The following MSI2 variants were observed in gnomAD, a reference collection of about 807,000 sequenced individuals.
The protein encoded by MSI2 is RNA-binding protein Musashi homolog 2.
In MSI2, 17 loss-of-function variants were observed where a neutral mutation model predicts 45.6. The ratio of observed to expected loss-of-function variants is 0.37; its 90% CI spans 0.26 to 0.56. MSI2 has a LOEUF of 0.56. Ranked by LOEUF, MSI2 falls within the 20% of genes least tolerant of loss-of-function variation. MSI2 has a pLI of 0.77. For synonymous variants in MSI2, 156 were observed against 158.2 expected, an observed-to-expected ratio of 0.99 and a Z score of 0.11; for missense variants, 293 against 444.2, an observed-to-expected ratio of 0.66 and a Z score of 3.06.
chr17:57,398,642 A>G (rs1391575412), intron 5 of MSI2, among the ~76,000 whole-genome samples: 1 of 152,210 alleles, frequency 6.6e-6, no homozygotes, highest in African/African-American at 2.4e-5. Context: ...TACAGTGACC[A>G]TTTATTTAGC....
At chr17:57,609,693 A>G (rs184893093) in intron 8 of MSI2, among the ~76,000 whole-genome samples, 128 of 152,344 alleles carry the variant, frequency 8.4e-4, no homozygotes, top group African/African-American at 2.8e-3. Context: ...ATCCCCAAAG[A>G]TGCCAGGGCA....
intron 6 of MSI2, among the ~76,000 whole-genome samples, chr17:57,501,149 C>T (rs1376909215): frequency 2.0e-5 from 3 of 152,112 alleles, no homozygotes; most frequent in Admixed American, 6.5e-5. Context: ...CCAAGATCGC[C>T]GTGTGGTTCC....
At chr17:57,489,671 TCCTC>T (rs1819178668) in intron 6 of MSI2, among the ~76,000 whole-genome samples, 1 of 152,090 alleles carries the variant, frequency 6.6e-6, no homozygotes, top group Non-Finnish European at 1.5e-5. Flanking sequence ...CCACCTTAAC[TCCTC>T]CCTGGCACAT....
chr17:57,257,007 C>A, intron 1 of MSI2, 91 bp from the exon 2 acceptor site: 1 of 1,599,972 alleles, frequency 6.3e-7, no homozygotes, highest in Non-Finnish European at 8.5e-7. Context: ...TCGCTCGCTC[C>A]CCCCCGCTTT....
intron 7 of MSI2, among the ~76,000 whole-genome samples, chr17:57,567,335 T>TA (rs1227427202): frequency 1.3e-5 from 2 of 152,258 alleles, no homozygotes; most frequent in African/African-American, 4.8e-5. Flanking sequence ...TTCAATTTCA[T>TA]AAACAATTTT....
At position 57,407,786 on chromosome 17, in the gene MSI2, C is replaced by A. The variant is rs983836583; in HGVS notation, c.405+6315C>A. Among the ~76,000 whole-genome samples, 6 of 152,226 alleles carry A rather than the reference C, an allele frequency of 3.9e-5. No homozygotes were observed. The highest frequency in any genetic ancestry group is 8.8e-5 in the Non-Finnish European group (6 of 68,050). ...AAGGCTACTTTTGTGTTTAAATTTT[C>A]TTCCTCTAATAGCCCAGAACAAAGC... On this transcript the variant is annotated intron_variant, in intron 6 of 13. Coordinates refer to ENST00000284073, the MANE Select transcript of MSI2 (RefSeq NM_138962.4). The surrounding 1 kb of genome is among the most constrained non-coding windows in gnomAD (Gnocchi z 4.1).
chr17:57,347,883 A>T (rs911043956), intron 5 of MSI2, among the ~76,000 whole-genome samples: 1 of 152,112 alleles, frequency 6.6e-6, no homozygotes, highest in Non-Finnish European at 1.5e-5. Context: ...CTGAACCAAC[A>T]CTCAGAGGCT....
intron 5 of MSI2, among the ~76,000 whole-genome samples, chr17:57,325,560 C>T (rs1033020005): frequency 2.0e-5 from 3 of 152,214 alleles, no homozygotes; most frequent in African/African-American, 7.2e-5. Flanking sequence ...GCACCGGTTG[C>T]CCCCTCGGCC....
the MSI2 span, among the ~76,000 whole-genome samples, chr17:57,697,425 C>G: frequency 6.6e-6 from 1 of 152,078 alleles, no homozygotes; most frequent in East Asian, 1.9e-4. Context: ...CTCTCTCCCC[C>G]TCACTCGCAG....
Position 57,660,527 on chromosome 17 carries a change from G to A in MSI2, c.790+8366G>A, listed in dbSNP as rs547750691. Among the ~76,000 whole-genome samples the A allele has an allele frequency of 7.9e-5, 12 of 152,306 alleles. No homozygotes were observed. In the South Asian group the frequency reaches 1.5e-3, roughly 18 times the overall value. ...TGGATAAATACTAAGCAGTCTCCAC[G>A]CCATTGAAGATCTCCCAACCTAGTG... On this transcript the variant is annotated intron_variant, in intron 11 of 13. Transcript: ENST00000284073.
At chr17:57,580,723 A>T (rs1054568673) in intron 7 of MSI2, among the ~76,000 whole-genome samples, 3 of 152,162 alleles carry the variant, frequency 2.0e-5, no homozygotes, top group Non-Finnish European at 4.4e-5. Flanking sequence ...TGGCCTAGGA[A>T]TCTTGTGACC....
At chr17:57,431,135 C>T (rs759400437) in intron 6 of MSI2, among the ~76,000 whole-genome samples, 1 of 152,164 alleles carries the variant, frequency 6.6e-6, no homozygotes, top group Non-Finnish European at 1.5e-5. Context: ...GTGACCCTCC[C>T]GTTTTGAAGA....
At chr17:57,548,515 G>T (rs938620422) in intron 7 of MSI2, among the ~76,000 whole-genome samples, 2 of 152,178 alleles carry the variant, frequency 1.3e-5, no homozygotes, top group African/African-American at 4.8e-5. Flanking sequence ...TTGCTTCCAA[G>T]TGATAATGTT....
rs528231668 is a variant in MSI2, at chr17:57,437,938, C to G, written c.405+36467C>G. On this transcript the variant is annotated intron_variant, in intron 6 of 13. Coordinates refer to ENST00000284073, the MANE Select transcript of MSI2 (RefSeq NM_138962.4). ...GTGTGACTGACCAACATTAGAGACGCACGCAGAAAGCCGTGCACATGCACC... is the reference window on the plus strand; with the variant it reads ...GTGTGACTGACCAACATTAGAGACGGACGCAGAAAGCCGTGCACATGCACC... 2.0e-5 allele frequency among the ~76,000 whole-genome samples: 3 copies of G among 152,300 alleles called. No homozygotes were observed. In the East Asian group the frequency reaches 5.8e-4, roughly 29 times the overall value.
chr17:57,659,237 T>C (rs1007840203), intron 11 of MSI2, among the ~76,000 whole-genome samples: 2 of 151,604 alleles, frequency 1.3e-5, no homozygotes, highest in Admixed American at 1.3e-4. Context: ...GGTTTTTTTG[T>C]GTGTTTTTTG....
At chr17:57,588,560 G>T (rs1904529099) in intron 7 of MSI2, among the ~76,000 whole-genome samples, 1 of 152,192 alleles carries the variant, frequency 6.6e-6, no homozygotes, top group Admixed American at 6.5e-5. Context: ...TCTGTGTGAA[G>T]GTCTTCTTTG....
At chr17:57,480,010 C>T (rs1204053773) in intron 6 of MSI2, among the ~76,000 whole-genome samples, 1 of 152,168 alleles carries the variant, frequency 6.6e-6, no homozygotes, top group Admixed American at 6.5e-5. Context: ...CGGAGTCTTG[C>T]TCTGTCACCC....
At chr17:57,689,530 G>A (rs1352839569), downstream of MSI2, among the ~76,000 whole-genome samples, 1 of 152,122 alleles carries the variant, frequency 6.6e-6, no homozygotes, top group Non-Finnish European at 1.5e-5. Context: ...TTAAAAATCA[G>A]ATACATTGAG....
chr17:57,631,669 G>T, intron 10 of MSI2: 1 of 864,722 alleles, frequency 1.2e-6, no homozygotes, highest in Non-Finnish European at 1.8e-6. Flanking sequence ...TTTGGATCAG[G>T]ATCCCGTCTT....
Sources: allele counts gnomAD v4.1 joint callset (sites outside exome capture counted in the v4.1 genomes callset), GRCh38; gene constraint gnomAD v4.1.1; non-coding constraint Gnocchi (gnomAD v3.1); transcripts MANE v1.5; gene names NCBI Gene and HGNC (gene_info 2026-07-23, HGNC 2026-07-21).